Variants in LMNTD1 observed in about 807,000 individuals in gnomAD.
The protein encoded by LMNTD1 is lamin tail domain-containing protein 1.
LMNTD1 carries 35 observed loss-of-function variants against 50.9 expected under a neutral mutation model. The ratio of observed to expected loss-of-function variants is 0.69; its 90% CI spans 0.53 to 0.91. The LOEUF is 0.91. Among genes scored for constraint, LMNTD1 ranks in the 40% least tolerant of loss-of-function variants. LMNTD1 has a pLI of 0.00. For missense variants in LMNTD1, 470 were observed against 475.5 expected, an observed-to-expected ratio of 0.99 and a Z score of 0.11; for synonymous variants, 153 against 161.9, an observed-to-expected ratio of 0.94 and a Z score of 0.42.
At position 25,644,313 on chromosome 12, in the gene LMNTD1, C is replaced by CAAAAAAAA. The variant is rs59091210; in HGVS notation, c.58+4173_58+4180dup. Among the ~76,000 whole-genome samples, 10 of 82,022 alleles carry CAAAAAAAA rather than the reference C, an allele frequency of 1.2e-4. 1 individual carries two copies. The highest frequency in any genetic ancestry group is 1.7e-4 in the Admixed American group (1 of 5,930). 53.8% of individuals were successfully genotyped at this position (82,022 alleles called of 152,430 possible). ...CAACATAGTGATATCCCTTTCTCTACAAAAAAAAAAAAAAAAAAAAAATTA... is the reference window on the plus strand; with the variant it reads ...CAACATAGTGATATCCCTTTCTCTACAAAAAAAAAAAAAAAAAAAAAAAAAAAAAATTA... On this transcript the variant is annotated intron_variant, in intron 1 of 7. Transcript: ENST00000445693.
At chr12:25,503,020 C>T (rs1939474431) in intron 9 of LMNTD1, 1 of 152,126 alleles carries the variant, frequency 6.6e-6, no homozygotes, top group Non-Finnish European at 1.5e-5. Context: ...CATCTTAAGT[C>T]AAGTAAAGAA....
chr12:25,538,386 C>G (rs1343211521), intron 4 of LMNTD1, among the ~76,000 whole-genome samples: 4 of 151,202 alleles, frequency 2.6e-5, no homozygotes, highest in African/African-American at 4.9e-5. Context: ...AGGCAGAAAC[C>G]CTACAAGCTG....
rs1016221735 is a variant in LMNTD1 at position 25,622,470 on chromosome 12, C to A, written c.58+26024G>T. ...TTGACCTTGAGTTTGTGAGCCCGCC[C>A]CCCCCCGCAAAATAATATCAACATC... On this transcript the variant is annotated intron_variant, in intron 1 of 7. Coordinates refer to the LMNTD1 transcript ENST00000445693. Among the ~76,000 whole-genome samples, 22 of 137,566 alleles carry A rather than the reference C, an allele frequency of 1.6e-4. 1 individual carries two copies. Among genetic ancestry groups the A allele is most frequent in the African/African-American group, 5.8e-4 (22 of 38,066 alleles). The allele number at this position is 137,566 out of a possible 152,430, so 90.2% of individuals were successfully genotyped here.
At chr12:25,539,358 C>T (rs1291231322) in intron 4 of LMNTD1, among the ~76,000 whole-genome samples, 1 of 152,098 alleles carries the variant, frequency 6.6e-6, no homozygotes, top group Non-Finnish European at 1.5e-5. Context: ...AAAGAACAGA[C>T]ATTATGACAA....
chr12:25,614,979 C>T (rs969356080), intron 1 of LMNTD1, among the ~76,000 whole-genome samples: 2 of 152,020 alleles, frequency 1.3e-5, no homozygotes, highest in African/African-American at 4.8e-5. Flanking sequence ...TGGATTAAGG[C>T]CCAATCTAAT....
rs1182091611 is a variant in LMNTD1, at chr12:25,532,369, T to C, written c.492-5414A>G. Among the ~76,000 whole-genome samples the C allele has an allele frequency of 2.6e-5, 4 of 152,194 alleles. No homozygotes were observed. The East Asian group carries it at 7.7e-4, about 29-fold the overall frequency. On this transcript the variant is annotated intron_variant, in intron 4 of 9. Transcript: ENST00000458174. ...TATAGACTTACTCTTCCATCTTTCC[T>C]TGAAGTTTCAACTGAAAGCCTCAAG... is the stretch of plus-strand genomic sequence containing the variant.
At chr12:25,539,912 G>A (rs1276897266) in intron 4 of LMNTD1, among the ~76,000 whole-genome samples, 1,708 of 149,896 alleles carry the variant, frequency 0.011, 36 homozygotes, top group African/African-American at 0.041. Flanking sequence ...GATCCCACAG[G>A]AATACAAACT....
At chr12:25,552,581 GAAAAAAAAA>G (rs55848800) in intron 2 of LMNTD1, among the ~76,000 whole-genome samples, 1 of 58,154 alleles carries the variant, frequency 1.7e-5, no homozygotes, top group Non-Finnish European at 3.2e-5. Flanking sequence ...CACTCTGTCT[GAAAAAAAAA>G]AAAAAAAAAA....
chr12:25,572,482 C>T (rs186384443), intron 1 of LMNTD1, among the ~76,000 whole-genome samples: 1 of 152,234 alleles, frequency 6.6e-6, no homozygotes, highest in Admixed American at 6.5e-5. Context: ...AGAAATCCAT[C>T]ATTTTCATAG....
chr12:25,526,969 C>T lies in LMNTD1; in HGVS notation c.492-14G>A. 8 of 1,576,880 alleles carry T rather than the reference C, an allele frequency of 5.1e-6. No homozygotes were observed. The South Asian group carries it at 8.2e-5, about 16-fold the overall frequency. ...TCTCCAAGAGAACTAGAAAATAAAA[C>T]ACAAAGATTGTAAGCTGCCTTCAGA... On this transcript the variant is annotated splice_polypyrimidine_tract_variant and intron_variant, in intron 4 of 9. Coordinates refer to ENST00000458174, the MANE Select transcript of LMNTD1 (RefSeq NM_001145728.2).
intron 8 of LMNTD1, among the ~76,000 whole-genome samples, chr12:25,515,781 G>A (rs1940713795): frequency 6.6e-6 from 1 of 151,988 alleles, no homozygotes; most frequent in African/African-American, 2.4e-5. Flanking sequence ...GCATATTTGA[G>A]AGACACAGTT....
intron 4 of LMNTD1, among the ~76,000 whole-genome samples, chr12:25,536,786 G>T (rs937244886): frequency 2.0e-5 from 3 of 152,260 alleles, no homozygotes; most frequent in Admixed American, 1.3e-4. Flanking sequence ...CGCAGAAGAC[G>T]GGTGATTTCT....
intron 1 of LMNTD1, among the ~76,000 whole-genome samples, chr12:25,637,311 G>A (rs115673946): frequency 0.016 from 2,386 of 152,180 alleles, 48 homozygotes; most frequent in African/African-American, 0.05. Flanking sequence ...AATGACTTTA[G>A]TCATTATAAA....
At chr12:25,499,471 T>C (rs1939257232) in intron 9 of LMNTD1, among the ~76,000 whole-genome samples, 1 of 152,162 alleles carries the variant, frequency 6.6e-6, no homozygotes, top group African/African-American at 2.4e-5. Flanking sequence ...TTAATGGTGA[T>C]TTATGATGTT....
intron 3 of LMNTD1, chr12:25,547,089 A>T: frequency 4.4e-6 from 1 of 224,724 alleles, no homozygotes; most frequent in Non-Finnish European, 7.5e-6. Flanking sequence ...GCTTAATCAG[A>T]TTCCAGTGTC....
intron 4 of LMNTD1, among the ~76,000 whole-genome samples, chr12:25,541,783 C>A (rs1565995601): frequency 7.6e-6 from 1 of 132,356 alleles, no homozygotes; most frequent in Non-Finnish European, 1.6e-5. Context: ...AGTGAACAGG[C>A]AACCTACAAA....
intron 1 of LMNTD1, among the ~76,000 whole-genome samples, chr12:25,560,376 A>G (rs1005630138): frequency 1.4e-4 from 22 of 152,070 alleles, no homozygotes; most frequent in South Asian, 6.2e-4. Flanking sequence ...TATTTCTGAG[A>G]GCTCTGTTCT....
intron 1 of LMNTD1, among the ~76,000 whole-genome samples, chr12:25,629,062 T>G (rs1946657075): frequency 6.6e-6 from 1 of 152,246 alleles, no homozygotes; most frequent in South Asian, 2.1e-4. Context: ...CTGGAAGGTA[T>G]CCTAATAACA....
At chr12:25,647,817 T>C (rs1947106317) in intron 1 of LMNTD1, among the ~76,000 whole-genome samples, 1 of 152,216 alleles carries the variant, frequency 6.6e-6, no homozygotes, top group Non-Finnish European at 1.5e-5. Context: ...CCAAAATGGT[T>C]CCTCTTGACT....
Sources: allele counts gnomAD v4.1 joint callset (sites outside exome capture counted in the v4.1 genomes callset), GRCh38; gene constraint gnomAD v4.1.1; transcripts MANE v1.5; gene names NCBI Gene and HGNC (gene_info 2026-07-23, HGNC 2026-07-21).